Variants in ZFHX3 observed in about 807,000 individuals in gnomAD.
The protein encoded by ZFHX3 is zinc finger homeobox protein 3.
Under a neutral mutation model 279.1 loss-of-function variants are expected in ZFHX3, and 42 were observed. The ratio of observed to expected loss-of-function variants is 0.15; its 90% CI spans 0.12 to 0.19. ZFHX3 has a LOEUF of 0.19. Among genes scored for constraint, ZFHX3 ranks in the 10% least tolerant of loss-of-function variants. The pLI is 1.00. For synonymous variants in ZFHX3, 2,293 were observed against 1,957.8 expected (o/e 1.17, Z -4.52); for missense variants, 4,981 against 4,754.0 (o/e 1.05, Z -1.40).
chr16:73,573,671 A>C (rs1290802482), intron 2 of ZFHX3, among the ~76,000 whole-genome samples: 1 of 152,230 alleles, frequency 6.6e-6, no homozygotes, highest in Non-Finnish European at 1.5e-5. Context: ...ATATTAACCT[A>C]TGTTAATACA....
intron 4 of ZFHX3, among the ~76,000 whole-genome samples, chr16:73,284,109 G>C (rs527396233): frequency 6.6e-6 from 1 of 151,942 alleles, no homozygotes; most frequent in East Asian, 1.9e-4. Context: ...ATGAGGTCAA[G>C]AGTTCAAGAC....
intron 1 of ZFHX3, chr16:73,015,050 T>C (rs398041994): frequency 0.22 from 31,747 of 143,774 alleles, 3,621 homozygotes; most frequent in Admixed American, 0.3. Flanking sequence ...CTTTTTTTTT[T>C]TTTTTTTTTT....
intron 4 of ZFHX3, among the ~76,000 whole-genome samples, chr16:73,276,808 T>C (rs982195776): frequency 6.6e-6 from 1 of 152,190 alleles, no homozygotes; most frequent in African/African-American, 2.4e-5. Context: ...ATGTGGGAAA[T>C]AGTCGATTAC....
chr16:73,532,150 G>C (rs148705874), intron 2 of ZFHX3, among the ~76,000 whole-genome samples: 4 of 152,096 alleles, frequency 2.6e-5, no homozygotes, highest in Non-Finnish European at 5.9e-5. Context: ...GATACGGTTT[G>C]TCTGCGTCCC....
intron 5 of ZFHX3, among the ~76,000 whole-genome samples, chr16:73,238,548 A>G (rs369679141): frequency 1.3e-5 from 2 of 152,020 alleles, no homozygotes; most frequent in African/African-American, 2.4e-5. Context: ...TGGCTTTTCC[A>G]AAGGCCTAAC....
At chr16:73,842,186 A>G (rs563108332) in intron 1 of ZFHX3, among the ~76,000 whole-genome samples, 1 of 152,194 alleles carries the variant, frequency 6.6e-6, no homozygotes, top group East Asian at 1.9e-4. Context: ...ACTGCACTCC[A>G]GCCTGGGCAA....
intron 2 of ZFHX3, among the ~76,000 whole-genome samples, chr16:73,478,043 C>T (rs1377205363): frequency 2.0e-5 from 3 of 152,014 alleles, no homozygotes; most frequent in East Asian, 1.9e-4. Flanking sequence ...GAGGCCGAGG[C>T]GGGCGGATCA....
At chr16:73,317,460 T>C (rs1267793985) in intron 4 of ZFHX3, among the ~76,000 whole-genome samples, 1 of 152,206 alleles carries the variant, frequency 6.6e-6, no homozygotes, top group Non-Finnish European at 1.5e-5. Flanking sequence ...CAACACACTA[T>C]ACTCAAATAT....
At chr16:72,955,984 CAAAT>C (rs1443619133) in intron 2 of ZFHX3, among the ~76,000 whole-genome samples, 4 of 152,160 alleles carry the variant, frequency 2.6e-5, no homozygotes, top group Non-Finnish European at 5.9e-5. Context: ...ACCCTGGTGA[CAAAT>C]AAGACGACCA....
At chr16:73,097,251 TAGAGAC>T in intron 7 of ZFHX3, among the ~76,000 whole-genome samples, 1 of 142,180 alleles carries the variant, frequency 7.0e-6, no homozygotes, top group South Asian at 2.3e-4. Flanking sequence ...TTTTTTTTTG[TAGAGAC>T]AGGACTTGCT....
rs1001122013 is a variant in ZFHX3 at position 73,816,012 on chromosome 16, T to G, written c.-1608+75639A>C. ...GACCCTCACTACTTTGTGGGCTCAATAGCTGTGTCTTCATTTATAAAAATA... is the reference window on the plus strand; with the variant it reads ...GACCCTCACTACTTTGTGGGCTCAAGAGCTGTGTCTTCATTTATAAAAATA... On this transcript the variant is annotated intron_variant, in intron 1 of 17. Transcript: ENST00000641206. 3 of 152,214 alleles carry G rather than the reference T, an allele frequency of 2.0e-5. No homozygotes were observed. The East Asian group carries it at 5.8e-4, about 29-fold the overall frequency. The allele number at this position is 152,214 out of a possible 1,614,324, so 9.4% of individuals were successfully genotyped here.
Position 73,274,455 on chromosome 16 carries a change from A to T in ZFHX3, c.-1193-17319T>A, listed in dbSNP as rs574873088. Among the ~76,000 whole-genome samples, 11 of 152,266 alleles carry T rather than the reference A, an allele frequency of 7.2e-5. No homozygotes were observed. In the East Asian group the frequency reaches 1.7e-3, roughly 24 times the overall value. On this transcript the variant is annotated intron_variant, in intron 4 of 17. Transcript: ENST00000641206. ...CCTCTTCAGTATGCTGAGTTCACTT[A>T]TGTTCTATTCTATAACTTTCATGCT...
chr16:73,805,825 G>A (rs1217681459), intron 1 of ZFHX3, among the ~76,000 whole-genome samples: 7 of 152,200 alleles, frequency 4.6e-5, no homozygotes, highest in Non-Finnish European at 8.8e-5. Flanking sequence ...GACAGAGGGT[G>A]ATGGGGGTAC....
rs915367915 is a variant in ZFHX3 at position 73,113,340 on chromosome 16, A to T, written c.-897+17628T>A. Among the ~76,000 whole-genome samples, 82 of 152,292 alleles carry T rather than the reference A, an allele frequency of 5.4e-4. 1 individual carries two copies. The highest frequency in any genetic ancestry group is 1.8e-3 in the African/African-American group (73 of 41,564). On this transcript the variant is annotated intron_variant, in intron 7 of 17. Transcript: ENST00000641206. ...AGAGGTCAATAAACTGGCCTGGGAAATTAAGAACAAGTTGTCATTGAGGAT... is the reference window on the plus strand; with the variant it reads ...AGAGGTCAATAAACTGGCCTGGGAATTTAAGAACAAGTTGTCATTGAGGAT...
rs773032075 is a variant in ZFHX3 at position 72,795,157 on chromosome 16, G to T, written c.7525C>A (p.Leu2509Ile). ...GGAGTTGATGTGTGGAGGGGCTTGAGGGGCAGGTGGGAGAGCTGGGAAGGA... is the reference window on the plus strand; with the variant it reads ...GGAGTTGATGTGTGGAGGGGCTTGATGGGCAGGTGGGAGAGCTGGGAAGGA... ...PSPSQLSHLP[L>I]KPLHTSTPQQ... The change falls in exon 9 of 10, where the codon CTC (leucine) becomes ATC (isoleucine). Residue 2509 changes from leucine (L) to isoleucine (I), a missense_variant. By Grantham distance (5) the Leu-to-Ile change is conservative. This residue lies in a region of ZFHX3 where 744 missense variants were observed against 701.3 expected (regional missense o/e 1.06). Transcript: ENST00000268489. 1.2e-6 allele frequency: 2 copies of T among 1,612,486 alleles called. No individual in the cohort carries two copies. The highest frequency in any genetic ancestry group is 3.3e-5 in the Admixed American group (2 of 59,972).
intron 3 of ZFHX3, among the ~76,000 whole-genome samples, chr16:72,923,196 T>G (rs1959242523): frequency 6.6e-6 from 1 of 152,122 alleles, no homozygotes; most frequent in Non-Finnish European, 1.5e-5. Context: ...TCCTAGCACT[T>G]TGGGAGACCA....
At chr16:72,808,084 C>T (rs1031449074) in intron 7 of ZFHX3, 1 of 152,138 alleles carries the variant, frequency 6.6e-6, no homozygotes, top group Non-Finnish European at 1.5e-5. Context: ...AATACTTTCC[C>T]GGGGCCAATC....
rs189728210 is a variant in ZFHX3 at position 73,196,873 on chromosome 16, T to C, written c.-1103-53042A>G. Among the ~76,000 whole-genome samples the C allele has an allele frequency of 8.3e-3, 1,271 of 152,238 alleles. 8 individuals are homozygous for C. The highest frequency in any genetic ancestry group is 0.014 in the Non-Finnish European group (983 of 67,994). The stretch of plus-strand genomic sequence containing the variant: ...ATGAAAGGCACTAAGTGGCATTCCT[T>C]GGATGAGCAGGGAGCCCAGGACTCT... On this transcript the variant is annotated intron_variant, in intron 5 of 17. Coordinates refer to the ZFHX3 transcript ENST00000641206.
At chr16:72,928,649 A>G (rs986368138) in intron 3 of ZFHX3, among the ~76,000 whole-genome samples, 7 of 152,090 alleles carry the variant, frequency 4.6e-5, no homozygotes, top group African/African-American at 1.7e-4. Context: ...TACCTCCCTC[A>G]CCAGTAGCAC....
Sources: allele counts gnomAD v4.1 joint callset (sites outside exome capture counted in the v4.1 genomes callset), GRCh38; gene constraint gnomAD v4.1.1; regional missense constraint gnomAD v4.1.1; transcripts MANE v1.5; gene names NCBI Gene and HGNC (gene_info 2026-07-23, HGNC 2026-07-21).